LRRC7: variants seen among roughly 807,000 people sequenced by gnomAD.
LRRC7 encodes leucine rich repeat containing 7.
In LRRC7, 23 loss-of-function variants were observed where a neutral mutation model predicts 175.7. The ratio of observed to expected loss-of-function variants is 0.13; its 90% CI spans 0.09 to 0.19. The LOEUF is 0.19. Ranked by LOEUF, LRRC7 falls within the 10% of genes least tolerant of loss-of-function variation. The pLI is 1.00. For synonymous variants in LRRC7, 685 were observed against 680.9 expected (o/e 1.01, Z -0.09); for missense variants, 1,354 against 1,904.7 (o/e 0.71, Z 5.38).
At chr1:70,095,356 A>G (rs1228898250) in intron 25 of LRRC7, among the ~76,000 whole-genome samples, 3 of 152,190 alleles carry the variant, frequency 2.0e-5, no homozygotes, top group African/African-American at 7.2e-5. Context: ...GTCATATTGC[A>G]GTTTGAGGTT....
At position 70,023,392 on chromosome 1, in the gene LRRC7, G is replaced by C; in HGVS notation, c.1794+18G>C. On this transcript the variant is annotated intron_variant, in intron 17 of 26. Transcript: ENST00000651989. ...GCAGACAGGTAGGCCTAGGTGTCTG[G>C]GGTAGGAGAATCTCCCATGTAGAGG... 1 of 1,540,674 alleles carries C rather than the reference G, an allele frequency of 6.5e-7. No homozygotes were observed. Among genetic ancestry groups the C allele is most frequent in the Non-Finnish European group, 8.8e-7 (1 of 1,136,628 alleles).
At chr1:69,816,574 AT>A (rs1308086280) in intron 4 of LRRC7, among the ~76,000 whole-genome samples, 1 of 152,208 alleles carries the variant, frequency 6.6e-6, no homozygotes, top group Non-Finnish European at 1.5e-5. Flanking sequence ...GTGTTGAAAC[AT>A]TTTTGACAGT....
At chr1:69,666,878 AG>A (rs1329978781) in intron 1 of LRRC7, among the ~76,000 whole-genome samples, 7 of 151,888 alleles carry the variant, frequency 4.6e-5, no homozygotes, top group Admixed American at 1.3e-4. Context: ...TTGCTTTTCT[AG>A]TTCTTCAAGA....
intron 2 of LRRC7, among the ~76,000 whole-genome samples, chr1:69,721,975 C>T (rs1215588380): frequency 6.6e-6 from 1 of 151,798 alleles, no homozygotes; most frequent in Non-Finnish European, 1.5e-5. Context: ...TGGGTAACAG[C>T]TCATGTGATT....
intron 2 of LRRC7, among the ~76,000 whole-genome samples, chr1:69,755,764 G>A (rs1323656814): frequency 2.6e-5 from 4 of 151,754 alleles, no homozygotes; most frequent in African/African-American, 9.7e-5. Context: ...TAGTAACATG[G>A]CTATACCCCA....
At chr1:69,774,604 G>A (rs1557709352) in intron 3 of LRRC7, among the ~76,000 whole-genome samples, 1 of 152,066 alleles carries the variant, frequency 6.6e-6, no homozygotes, top group African/African-American at 2.4e-5. Flanking sequence ...TAGCCTTTTT[G>A]CTATCTATGT....
intron 1 of LRRC7, among the ~76,000 whole-genome samples, chr1:69,626,082 G>A (rs1651476167): frequency 6.6e-6 from 1 of 152,070 alleles, no homozygotes; most frequent in Non-Finnish European, 1.5e-5. Context: ...ACTTGTATGA[G>A]GCTCCATTAT....
At chr1:70,120,254 TG>T (rs2102242523) in intron 26 of LRRC7, among the ~76,000 whole-genome samples, 1 of 152,240 alleles carries the variant, frequency 6.6e-6, no homozygotes, top group African/African-American at 2.4e-5. Context: ...AAACAGCCAA[TG>T]CCAACTTCTG....
intron 8 of LRRC7, among the ~76,000 whole-genome samples, chr1:69,973,839 G>A (rs1308748777): frequency 1.3e-5 from 2 of 152,134 alleles, no homozygotes; most frequent in Non-Finnish European, 2.9e-5. Flanking sequence ...GCCCACCTCA[G>A]CCTCCCAAAG....
chr1:70,065,425 T>C (rs1460934500), intron 23 of LRRC7, among the ~76,000 whole-genome samples: 1 of 151,966 alleles, frequency 6.6e-6, no homozygotes, highest in Admixed American at 6.6e-5. Context: ...GTAAAATACT[T>C]ATCACAGTGC....
chr1:69,659,377 T>C (rs1657107243), intron 1 of LRRC7, among the ~76,000 whole-genome samples: 1 of 151,724 alleles, frequency 6.6e-6, no homozygotes, highest in South Asian at 2.1e-4. Flanking sequence ...ATAAAATAGA[T>C]GACAGCATTT....
intron 22 of LRRC7, among the ~76,000 whole-genome samples, chr1:70,048,964 A>C (rs1009125): frequency 0.13 from 19,500 of 152,092 alleles, 1,721 homozygotes; most frequent in African/African-American, 0.24. Flanking sequence ...GCTGGCTGCT[A>C]ATATAAATAG....
chr1:69,573,669 C>G (rs978234838), intron 1 of LRRC7, among the ~76,000 whole-genome samples: 2 of 151,896 alleles, frequency 1.3e-5, no homozygotes, highest in African/African-American at 4.8e-5. Flanking sequence ...ATAATAGAAA[C>G]ATTATCATTT....
chr1:69,705,696 T>A (rs1170751633), intron 2 of LRRC7, among the ~76,000 whole-genome samples: 2 of 152,042 alleles, frequency 1.3e-5, no homozygotes, highest in East Asian at 3.9e-4. Flanking sequence ...AAAACTGGTA[T>A]TTGGGTTACA....
At chr1:69,835,360 C>G (rs1031393805) in intron 6 of LRRC7, among the ~76,000 whole-genome samples, 1 of 151,500 alleles carries the variant, frequency 6.6e-6, no homozygotes, top group African/African-American at 2.4e-5. Flanking sequence ...AGAATTCTTA[C>G]ATATAAATAT....
At chr1:69,763,787 AT>A (rs375248832) in intron 3 of LRRC7, among the ~76,000 whole-genome samples, 256 of 152,114 alleles carry the variant, frequency 1.7e-3, no homozygotes, top group African/African-American at 5.5e-3. Flanking sequence ...AATAAAAATT[AT>A]TTTTGTCTGC....
chr1:70,119,001 C>T (rs1174328521), intron 26 of LRRC7, among the ~76,000 whole-genome samples: 1 of 151,606 alleles, frequency 6.6e-6, no homozygotes, highest in Non-Finnish European at 1.5e-5. Context: ...TGGTTGCTTC[C>T]CATGCTAAAG....
chr1:69,664,392 C>T (rs1657968582), intron 1 of LRRC7, among the ~76,000 whole-genome samples: 1 of 152,162 alleles, frequency 6.6e-6, no homozygotes, highest in Non-Finnish European at 1.5e-5. Context: ...AAACTGTTCT[C>T]CATAGTGGTT....
chr1:69,856,018 T>A (rs1408670115), intron 7 of LRRC7, among the ~76,000 whole-genome samples: 1 of 152,164 alleles, frequency 6.6e-6, no homozygotes, highest in Non-Finnish European at 1.5e-5. Context: ...CCTATGTGTG[T>A]CTCTGCATGT....
Sources: allele counts gnomAD v4.1 joint callset (sites outside exome capture counted in the v4.1 genomes callset), GRCh38; gene constraint gnomAD v4.1.1; transcripts MANE v1.5; gene names NCBI Gene and HGNC (gene_info 2026-07-23, HGNC 2026-07-21).